The following NSD3 variants were observed in gnomAD, a reference collection of about 807,000 sequenced individuals.
The protein encoded by NSD3 is histone-lysine N-methyltransferase NSD3.
In NSD3, 24 loss-of-function variants were observed where a neutral mutation model predicts 160.8. That is an observed-to-expected ratio of 0.15 (90% CI 0.11 to 0.21). The LOEUF is 0.21. NSD3 is among the 10% of genes least tolerant of loss of function. The probability of loss-of-function intolerance (pLI) is 1.00; values close to 1 mark genes in which losing one functional copy is unlikely to be tolerated. For synonymous variants in NSD3, 520 were observed against 600.0 expected, an observed-to-expected ratio of 0.87 and a Z score of 1.95; for missense variants, 1,157 against 1,735.9, an observed-to-expected ratio of 0.67 and a Z score of 5.93.
At chr8:38,365,931 AT>A (rs1799043590) in intron 1 of NSD3, among the ~76,000 whole-genome samples, 2 of 152,124 alleles carry the variant, frequency 1.3e-5, no homozygotes, top group African/African-American at 4.8e-5. Flanking sequence ...CAAGTATTCC[AT>A]GTAGTATAAA....
At chr8:38,357,874 A>G (rs1366301706) in intron 1 of NSD3, among the ~76,000 whole-genome samples, 6 of 152,178 alleles carry the variant, frequency 3.9e-5, no homozygotes, top group Non-Finnish European at 8.8e-5. Context: ...CAGAATATAA[A>G]AGCAGTTACA....
At chr8:38,277,914 T>C (rs1047932599) in intron 22 of NSD3, among the ~76,000 whole-genome samples, 4 of 151,450 alleles carry the variant, frequency 2.6e-5, no homozygotes, top group Non-Finnish European at 5.9e-5. Flanking sequence ...GTTCCTGAGA[T>C]GGTCACAAAC....
intron 1 of NSD3, among the ~76,000 whole-genome samples, chr8:38,360,748 G>A (rs974154723): frequency 2.6e-5 from 4 of 151,822 alleles, no homozygotes; most frequent in African/African-American, 9.7e-5. Context: ...TGGAAAATCT[G>A]CTTGCTTAAA....
chr8:38,351,219 C>T (rs541534460), intron 1 of NSD3, among the ~76,000 whole-genome samples: 60 of 150,084 alleles, frequency 4.0e-4, no homozygotes, highest in African/African-American at 1.3e-3. Flanking sequence ...CCTCGTGATC[C>T]GCCCGCCTCA....
intron 5 of NSD3, 31 bp downstream of exon 5, chr8:38,331,400 A>G (rs1810058304): frequency 6.5e-7 from 1 of 1,534,430 alleles, no homozygotes; most frequent in Non-Finnish European, 8.8e-7. Context: ...TAAAAACCAT[A>G]CTAGGTAAAT....
chr8:38,376,418 G>C (rs1204264007), intron 1 of NSD3, among the ~76,000 whole-genome samples: 1 of 151,762 alleles, frequency 6.6e-6, no homozygotes, highest in African/African-American at 2.4e-5. Flanking sequence ...AGTTTTCATA[G>C]GCAGCTCTAA....
At chr8:38,379,236 C>T (rs939843153) in intron 1 of NSD3, among the ~76,000 whole-genome samples, 2 of 151,786 alleles carry the variant, frequency 1.3e-5, no homozygotes, top group Non-Finnish European at 2.9e-5. Context: ...ATACTTATGA[C>T]AGCTGGGCAG....
chr8:38,366,230 A>T (rs1342865916), intron 1 of NSD3, among the ~76,000 whole-genome samples: 1 of 152,064 alleles, frequency 6.6e-6, no homozygotes, highest in Non-Finnish European at 1.5e-5. Flanking sequence ...CTTTTAAAAT[A>T]TTCCAGCTTT....
intron 1 of NSD3, among the ~76,000 whole-genome samples, chr8:38,358,030 G>A (rs1466036667): frequency 2.0e-5 from 3 of 151,992 alleles, no homozygotes; most frequent in African/African-American, 7.2e-5. Flanking sequence ...AACTTCCAGA[G>A]GGAGTGTTAA....
rs1808487944 is a variant in NSD3, at chr8:38,271,711, A to G, written c.*3930T>C. 1 of 152,208 alleles carries G rather than the reference A, an allele frequency of 6.6e-6. No homozygotes were observed. The highest frequency in any genetic ancestry group is 2.4e-5 in the African/African-American group (1 of 41,454). The allele number at this position is 152,208 out of a possible 1,614,324, so 9.4% of individuals were successfully genotyped here. On this transcript the variant is annotated 3_prime_UTR_variant, in exon 24 of 24. Coordinates refer to ENST00000317025, the MANE Select transcript of NSD3 (RefSeq NM_023034.2). ...AGGCTGGATGCATCAGCCTTGTGAA[A>G]AGTAACTTTAGTCTACGCTGCCCAG... is the stretch of plus-strand genomic sequence containing the variant.
intron 1 of NSD3, among the ~76,000 whole-genome samples, chr8:38,365,690 C>T (rs887404297): frequency 2.0e-5 from 3 of 152,088 alleles, no homozygotes; most frequent in Admixed American, 2.0e-4. Flanking sequence ...CCAGGCTGGT[C>T]TCGAACTCCT....
At position 38,329,541 on chromosome 8, in the gene NSD3, G is replaced by A. The variant is rs1460044917; in HGVS notation, c.1418C>T (p.Ala473Val). 4.3e-6 allele frequency: 7 copies of A among 1,614,046 alleles called. No individual in the cohort carries two copies. The highest frequency in any genetic ancestry group is 1.3e-5 in the African/African-American group (1 of 74,910). ...AGCTGGTAAGGATTTCCTTGCTGCC[G>A]CAGTTTTCCAGGCTATTTTAACAGG... ...PPPVKIAWKT[A>V]AARKSLPASI... Residue 473 changes from alanine (A) to valine (V), a missense_variant, in exon 6 of 24, where the codon GCG becomes GTG. Physicochemically the swap from Ala to Val is moderately conservative, Grantham distance 64. Transcript: ENST00000317025. This position sits in a 1 kb window ranked among gnomAD's most constrained non-coding sequence, Gnocchi z 4.8.
chr8:38,275,346 C>T lies in NSD3; in HGVS notation c.*295G>A. 1 of 325,512 alleles carries T rather than the reference C, an allele frequency of 3.1e-6. No individual in the cohort carries two copies. Among genetic ancestry groups the T allele is most frequent in the Admixed American group, 4.6e-5 (1 of 21,884 alleles). The allele number at this position is 325,512 out of a possible 1,614,324, so 20.2% of individuals were successfully genotyped here. On this transcript the variant is annotated 3_prime_UTR_variant, in exon 24 of 24. Transcript: ENST00000317025. Reference sequence around the variant, plus strand: ...AACAAAACTTACTTTTCTCTTTGTTCTTATTTTAACAGCAAAAACATTTCT... The same window carrying T: ...AACAAAACTTACTTTTCTCTTTGTTTTTATTTTAACAGCAAAAACATTTCT...
chr8:38,352,875 C>T (rs1462522855), intron 1 of NSD3, among the ~76,000 whole-genome samples: 1 of 152,176 alleles, frequency 6.6e-6, no homozygotes, highest in Admixed American at 6.5e-5. Context: ...CTGTTTCCCT[C>T]AGCTATCAGT....
intron 6 of NSD3, 89 bp from the exon 7 acceptor site, chr8:38,326,945 C>T: frequency 7.1e-7 from 1 of 1,416,734 alleles, no homozygotes; most frequent in Non-Finnish European, 9.4e-7. Context: ...TTAAAATGAT[C>T]ATAATTTGCT....
intron 2 of NSD3, among the ~76,000 whole-genome samples, chr8:38,345,161 G>A (rs775682652): frequency 5.3e-5 from 8 of 151,630 alleles, no homozygotes; most frequent in Non-Finnish European, 1.2e-4. Context: ...CAATTAACAA[G>A]AACTTACCTC....
chr8:38,320,283 T>A (rs1809765561), intron 8 of NSD3: 1 of 152,104 alleles, frequency 6.6e-6, no homozygotes, highest in Non-Finnish European at 1.5e-5. Flanking sequence ...TTAAAAAATA[T>A]AAAACTTATT....
At position 38,290,568 on chromosome 8, in the gene NSD3, A is replaced by G. The variant is rs1372017806; in HGVS notation, c.3025T>C (p.Tyr1009His). 45 of 1,614,054 alleles carry G rather than the reference A, an allele frequency of 2.8e-5. No homozygotes were observed. Among genetic ancestry groups the G allele is most frequent in the Non-Finnish European group, 3.6e-5 (42 of 1,180,026 alleles). The change falls in exon 17 of 24, where the codon TAC (tyrosine) becomes CAC (histidine). Residue 1009 changes from tyrosine to histidine, a missense_variant. Coordinates refer to ENST00000317025, the MANE Select transcript of NSD3 (RefSeq NM_023034.2). ...PVFFFGSHDY[Y>H]WVHQGRVFPY... ...AACACTCTGCCCTGGTGTACCCAGT[A>G]GTAGTCATGAGAACCAAAGAAGAAT...
intron 1 of NSD3, among the ~76,000 whole-genome samples, chr8:38,349,917 T>C (rs1163388310): frequency 6.6e-6 from 1 of 151,406 alleles, no homozygotes; most frequent in Non-Finnish European, 1.5e-5. Context: ...TTCCCACCTA[T>C]GAGTGAGAAC....
Sources: allele counts gnomAD v4.1 joint callset (sites outside exome capture counted in the v4.1 genomes callset), GRCh38; gene constraint gnomAD v4.1.1; non-coding constraint Gnocchi (gnomAD v3.1); transcripts MANE v1.5; gene names NCBI Gene and HGNC (gene_info 2026-07-23, HGNC 2026-07-21).